Variants in ACO2 observed in about 807,000 individuals in gnomAD.
ACO2 encodes the protein aconitase 2.
Under a neutral mutation model 84.5 loss-of-function variants are expected in ACO2, and 31 were observed. The ratio of observed to expected loss-of-function variants is 0.37; its 90% CI spans 0.28 to 0.50. The LOEUF (loss-of-function observed/expected upper bound fraction) is 0.50. Ranked by LOEUF, ACO2 falls within the 20% of genes least tolerant of loss-of-function variation. The pLI is 0.97. For synonymous variants in ACO2, 414 were observed against 412.7 expected, an observed-to-expected ratio of 1.00 and a Z score of -0.04; for missense variants, 685 against 1,029.3, an observed-to-expected ratio of 0.67 and a Z score of 4.58.
At chr22:41,522,022 C>G (rs1482837142) in intron 9 of ACO2, among the ~76,000 whole-genome samples, 1 of 152,226 alleles carries the variant, frequency 6.6e-6, no homozygotes, top group Non-Finnish European at 1.5e-5. Context: ...ATCTGCCTGC[C>G]TCGGCCTCTC....
intron 2 of ACO2, among the ~76,000 whole-genome samples, chr22:41,502,686 G>A (rs1213643433): frequency 6.6e-6 from 1 of 152,162 alleles, no homozygotes; most frequent in East Asian, 1.9e-4. Flanking sequence ...TCGGCTCACT[G>A]CAACCTCCAC....
chr22:41,503,361 C>G (rs1312392612), intron 2 of ACO2, among the ~76,000 whole-genome samples: 1 of 151,864 alleles, frequency 6.6e-6, no homozygotes, highest in Middle Eastern at 3.4e-3. Flanking sequence ...GAGTCTCGCT[C>G]TGTCGCCCAG....
chr22:41,478,764 C>CT (rs761466511), intron 1 of ACO2, among the ~76,000 whole-genome samples: 3,301 of 125,830 alleles, frequency 0.026, 99 homozygotes, highest in African/African-American at 0.056. Flanking sequence ...CACATATCTT[C>CT]TTTTTTTTTT....
intron 1 of ACO2, among the ~76,000 whole-genome samples, chr22:41,489,894 G>A (rs543128975): frequency 5.3e-5 from 8 of 151,806 alleles, no homozygotes; most frequent in African/African-American, 1.9e-4. Flanking sequence ...AAACCAAAAC[G>A]CTTTTGATTA....
chr22:41,524,717 C>T (rs1271286366), intron 12 of ACO2, 129 bp from the exon 13 acceptor site: 2 of 1,441,138 alleles, frequency 1.4e-6, no homozygotes, highest in Non-Finnish European at 1.9e-6. Flanking sequence ...CTCTGAGGAA[C>T]ACAGGGGTCT....
At chr22:41,483,460 C>G (rs1342833165) in intron 1 of ACO2, among the ~76,000 whole-genome samples, 1 of 151,962 alleles carries the variant, frequency 6.6e-6, no homozygotes, top group African/African-American at 2.4e-5. Flanking sequence ...AGTTCGAGAC[C>G]AGCCTAGCCA....
At chr22:41,521,035 CAAAAAAAAA>C (rs375633363) in intron 9 of ACO2, among the ~76,000 whole-genome samples, 4,988 of 81,702 alleles carry the variant, frequency 0.061, 494 homozygotes, top group Admixed American at 0.29. Flanking sequence ...AGCCTGCCTC[CAAAAAAAAA>C]AAAAAAAAAA....
chr22:41,517,653 C>T (rs754355417), intron 7 of ACO2, 22 bp downstream of exon 7: 15 of 1,600,786 alleles, frequency 9.4e-6, no homozygotes, highest in Middle Eastern at 1.7e-4. Context: ...GGGGCAGGCC[C>T]GTGTGGGTGG....
At chr22:41,509,868 A>G (rs1601911578) in intron 3 of ACO2, among the ~76,000 whole-genome samples, 1 of 124,074 alleles carries the variant, frequency 8.1e-6, no homozygotes. Context: ...CCCAGGCTGG[A>G]GTGCAGTGAC....
intron 17 of ACO2, 73 bp downstream of exon 17, chr22:41,528,095 C>T (rs2146155258): frequency 6.3e-7 from 1 of 1,598,480 alleles, no homozygotes; most frequent in Admixed American, 1.7e-5. Context: ...GCACTGGCCC[C>T]AGGGTAGCTT....
In ACO2 at chr22:41,508,051, T is replaced by C. The variant is rs1316277765; in HGVS notation, c.432+2T>C. Reference sequence around the variant, plus strand: ...GAGAAAGACCTGCGCCGGGCCAAGGTGAGCAGAAGGTGGCTTTGGGGGTGG... The same window carrying C: ...GAGAAAGACCTGCGCCGGGCCAAGGCGAGCAGAAGGTGGCTTTGGGGGTGG... On this transcript the variant is annotated splice_donor_variant, in intron 3 of 17. Transcript: ENST00000216254. LOFTEE classifies it high-confidence loss of function. 6.2e-7 allele frequency: 1 copy of C among 1,606,538 alleles called. No homozygotes were observed. The highest frequency in any genetic ancestry group is 1.1e-5 in the South Asian group (1 of 90,774).
chr22:41,487,592 C>A (rs1421709814), intron 1 of ACO2, among the ~76,000 whole-genome samples: 1 of 152,184 alleles, frequency 6.6e-6, no homozygotes, highest in Non-Finnish European at 1.5e-5. Flanking sequence ...CTTCTGTTAA[C>A]TAGGTATGTG....
chr22:41,516,510 C>A (rs965955705), intron 6 of ACO2, among the ~76,000 whole-genome samples: 9 of 152,180 alleles, frequency 5.9e-5, no homozygotes, highest in Admixed American at 2.6e-4. Context: ...CCTGCCTGGG[C>A]TCCCTGGCAG....
rs541837437 is a variant in ACO2 at position 41,505,985 on chromosome 22, G to A, written c.174-1806G>A. ...GTTATCTCATCCCAGTGCAAGCCCT[G>A]GTATTTAGAGATGGGCTGGCTGAGC... On this transcript the variant is annotated intron_variant, in intron 2 of 17. Transcript: ENST00000216254. Among the ~76,000 whole-genome samples, 131 of 152,230 alleles carry A rather than the reference G, an allele frequency of 8.6e-4. 1 individual carries two copies. Among genetic ancestry groups the A allele is most frequent in the African/African-American group, 3.1e-3 (129 of 41,544 alleles).
chr22:41,493,352 T>C (rs1167618005), intron 1 of ACO2, among the ~76,000 whole-genome samples: 1 of 151,746 alleles, frequency 6.6e-6, no homozygotes, highest in African/African-American at 2.4e-5. Context: ...GTGTAGAGAA[T>C]GAAATTAAAA....
intron 17 of ACO2, 133 bp downstream of exon 17, chr22:41,528,155 GC>G: frequency 7.2e-7 from 1 of 1,392,774 alleles, no homozygotes; most frequent in Non-Finnish European, 9.7e-7. Context: ...TCTCCAGGTG[GC>G]CCCACAGAGA....
intron 4 of ACO2, among the ~76,000 whole-genome samples, chr22:41,514,465 C>T (rs901976762): frequency 3.9e-5 from 6 of 152,182 alleles, no homozygotes; most frequent in East Asian, 1.9e-4. Flanking sequence ...AACTGAGCTC[C>T]GAGAGAAGTG....
intron 8 of ACO2, among the ~76,000 whole-genome samples, chr22:41,519,729 A>C (rs1601921862): frequency 6.6e-6 from 1 of 151,074 alleles, no homozygotes; most frequent in South Asian, 2.1e-4. Flanking sequence ...AATGGTGTGA[A>C]CCCGAGAGGC....
chr22:41,516,900 AT>A (rs140798328), intron 6 of ACO2, among the ~76,000 whole-genome samples: 2 of 149,668 alleles, frequency 1.3e-5, no homozygotes, highest in Non-Finnish European at 1.5e-5. Context: ...TTTTTTTTGT[AT>A]TTTTTTTTAG....
Sources: allele counts gnomAD v4.1 joint callset (sites outside exome capture counted in the v4.1 genomes callset), GRCh38; gene constraint gnomAD v4.1.1; transcripts MANE v1.5; gene names NCBI Gene and HGNC (gene_info 2026-07-23, HGNC 2026-07-21).